IDH1: variants seen among roughly 807,000 people sequenced by gnomAD.
IDH1 encodes isocitrate dehydrogenase [NADP] cytoplasmic.
IDH1 carries 33 observed loss-of-function variants against 46.1 expected under a neutral mutation model. The observed-to-expected ratio is 0.72, with a 90% confidence interval of 0.54 to 0.96. The LOEUF is 0.96. IDH1 is among the 40% of genes least tolerant of loss of function. The probability of loss-of-function intolerance (pLI) is 0.00; values close to 1 mark genes in which losing one functional copy is unlikely to be tolerated. For synonymous variants in IDH1, 144 were observed against 172.8 expected, an observed-to-expected ratio of 0.83 and a Z score of 1.31; for missense variants, 421 against 515.7, an observed-to-expected ratio of 0.82 and a Z score of 1.78.
chr2:208,246,635 T>TAAA (rs369672159), intron 4 of IDH1, among the ~76,000 whole-genome samples: 20 of 136,406 alleles, frequency 1.5e-4, no homozygotes, highest in South Asian at 2.4e-4. Flanking sequence ...CCAAAATAAT[T>TAAA]AAAAAAAAAA....
In IDH1 at chr2:208,242,110, C is replaced by T; in HGVS notation, c.734G>A (p.Trp245Ter). 5 of 1,613,816 alleles carry T rather than the reference C, an allele frequency of 3.1e-6. No individual in the cohort carries two copies. Among genetic ancestry groups the T allele is most frequent in the Non-Finnish European group, 4.2e-6 (5 of 1,179,808 alleles). ...GTCGTCGATGAGCCTATGCTCATAC[C>T]AGATCTTTTGAGCTTCAAACTGGGA... ...YKSQFEAQKI[W>*]YEHRLIDDMV... The change falls in exon 7 of 10, where the codon TGG becomes TAG. Residue 245 changes from tryptophan (W) to a stop codon, truncating the protein, a stop_gained. Transcript: ENST00000345146. LOFTEE classifies it high-confidence loss of function.
chr2:208,237,761 A>G (rs1462242902), intron 9 of IDH1, among the ~76,000 whole-genome samples: 12 of 128,054 alleles, frequency 9.4e-5, no homozygotes, highest in African/African-American at 3.6e-4. Context: ...TCTACTAAAA[A>G]TACAAAAAAA....
Position 208,248,538 on chromosome 2 carries a change from C to A in IDH1, c.245G>T (p.Arg82Met), listed in dbSNP as rs775186249. Residue 82 changes from arginine to methionine, a missense_variant, in exon 4 of 10, where the codon AGG (arginine) becomes ATG (methionine). Transcript: ENST00000345146. ...TTGTTTCAACTTGAACTCCTCAACC[C>A]TCTTCTCATCAGGAGTGATAGTGGC... ...KCATITPDEK[R>M]VEEFKLKQMW... is the part of the protein sequence containing the mutation. 1 of 1,614,174 alleles carries A rather than the reference C, an allele frequency of 6.2e-7. No homozygotes were observed. The highest frequency in any genetic ancestry group is 2.2e-5 in the East Asian group (1 of 44,884).
Position 208,242,112 on chromosome 2 carries a change from G to C in IDH1, c.732C>G (p.Ile244Met). 6.2e-7 allele frequency: 1 copy of C among 1,613,938 alleles called. No homozygotes were observed. Residue 244 changes from isoleucine (I) to methionine (M), a missense_variant, in exon 7 of 10, where the codon ATC (isoleucine) becomes ATG (methionine). Transcript: ENST00000345146. ...QYKSQFEAQK[I>M]WYEHRLIDDM... ...CGTCGATGAGCCTATGCTCATACCA[G>C]ATCTTTTGAGCTTCAAACTGGGACT...
At chr2:208,251,686 T>G (rs116915757) in intron 2 of IDH1, 119 bp from the exon 3 acceptor site, 1 of 751,446 alleles carries the variant, frequency 1.3e-6, no homozygotes, top group East Asian at 2.7e-5. Context: ...TTCATGCAAT[T>G]CAATTTATGT....
intron 3 of IDH1, among the ~76,000 whole-genome samples, chr2:208,249,987 A>T (rs927023028): frequency 1.3e-5 from 2 of 152,224 alleles, no homozygotes; most frequent in South Asian, 4.1e-4. Context: ...TAAGAAAGGA[A>T]GGAACAAATT....
intron 8 of IDH1, 87 bp from the exon 9 acceptor site, chr2:208,239,320 G>C: frequency 7.1e-7 from 1 of 1,410,100 alleles, no homozygotes; most frequent in Non-Finnish European, 9.9e-7. Context: ...AAACAGAATA[G>C]TTTTTTGTTT....
At chr2:208,246,427 G>A (rs928161933) in intron 4 of IDH1, among the ~76,000 whole-genome samples, 1 of 151,948 alleles carries the variant, frequency 6.6e-6, no homozygotes, top group African/African-American at 2.4e-5. Flanking sequence ...GAACATTTTT[G>A]ACATATAAAA....
chr2:208,238,152 C>T (rs1444100705), intron 9 of IDH1, among the ~76,000 whole-genome samples: 1 of 151,320 alleles, frequency 6.6e-6, no homozygotes, highest in Admixed American at 6.6e-5. Flanking sequence ...TCTCCTGCCT[C>T]AGCCTCCCGA....
chr2:208,246,134 T>G (rs1383849224), intron 4 of IDH1, among the ~76,000 whole-genome samples: 1 of 152,182 alleles, frequency 6.6e-6, no homozygotes, highest in Admixed American at 6.5e-5. Context: ...CAAATCATTC[T>G]GGGAGCAGCT....
At chr2:208,249,447 A>G (rs1330222136) in intron 3 of IDH1, among the ~76,000 whole-genome samples, 2 of 152,366 alleles carry the variant, frequency 1.3e-5, no homozygotes, top group East Asian at 1.9e-4. Context: ...GGTTTTCTAC[A>G]TACCAGAGAG....
chr2:208,249,333 G>C (rs961357970), intron 3 of IDH1, among the ~76,000 whole-genome samples: 10 of 152,122 alleles, frequency 6.6e-5, no homozygotes, highest in Non-Finnish European at 1.5e-4. Context: ...GGGACTACAG[G>C]CATGCACCAC....
In IDH1 at chr2:208,248,630, G is replaced by A. The variant is rs1214051569; in HGVS notation, c.153C>T (p.Ala51=). 6.2e-7 allele frequency: 1 copy of A among 1,613,986 alleles called. No individual in the cohort carries two copies. Among genetic ancestry groups the A allele is most frequent in the Non-Finnish European group, 8.5e-7 (1 of 1,180,006 alleles). ...SYDLGIENRD[A]TNDQVTKDAA... is the part of the protein sequence containing the mutation. ...CATCCTTGGTGACTTGGTCGTTGGT[G>A]GCATCACGATTCTCTATGCCTAAAT... Residue 51 remains alanine (A), a synonymous_variant, in exon 4 of 10, where the codon GCC becomes GCT. Coordinates refer to ENST00000345146, the MANE Select transcript of IDH1 (RefSeq NM_005896.4).
At chr2:208,238,087 G>A (rs1460324192) in intron 9 of IDH1, among the ~76,000 whole-genome samples, 1 of 149,056 alleles carries the variant, frequency 6.7e-6, no homozygotes, top group Non-Finnish European at 1.5e-5. Context: ...GCAGGCTGGA[G>A]TGCAGTGGCA....
intron 9 of IDH1, among the ~76,000 whole-genome samples, chr2:208,237,497 C>G (rs1687833387): frequency 6.6e-6 from 1 of 152,170 alleles, no homozygotes; most frequent in Non-Finnish European, 1.5e-5. Flanking sequence ...AATCATCACA[C>G]TTCTTCCTCA....
chr2:208,242,056 C>A lies in IDH1; in HGVS notation c.788G>T (p.Gly263Val). The change falls in exon 7 of 10, where the codon GGA (glycine) becomes GTA (valine). Residue 263 changes from glycine (G) to valine (V), a missense_variant. Transcript: ENST00000345146. ...DMVAQAMKSE[G>V]GFIWACKNYD... ...GTTTTTACAGGCCCAGATGAAGCCT[C>A]CCTCTGATTTCATAGCTTGGGCCAC... 6.2e-7 allele frequency: 1 copy of A among 1,613,352 alleles called. No individual in the cohort carries two copies. The highest frequency in any genetic ancestry group is 8.5e-7 in the Non-Finnish European group (1 of 1,179,830).
chr2:208,240,917 G>C (rs1045991602), intron 7 of IDH1, among the ~76,000 whole-genome samples: 1 of 152,190 alleles, frequency 6.6e-6, no homozygotes. Flanking sequence ...TAACCAGGTT[G>C]ATCTACTGAT....
chr2:208,246,649 AAAAGAGGAAGGC>A (rs1688027164), intron 4 of IDH1, among the ~76,000 whole-genome samples: 3 of 151,188 alleles, frequency 2.0e-5, no homozygotes, highest in Non-Finnish European at 4.4e-5. Flanking sequence ...AAAAAAAAAA[AAAAGAGGAAGGC>A]CGGGCATGGT....
intron 9 of IDH1, among the ~76,000 whole-genome samples, chr2:208,238,205 T>G (rs1039838830): frequency 3.3e-5 from 5 of 151,788 alleles, no homozygotes; most frequent in African/African-American, 1.2e-4. Flanking sequence ...CTGGTTAATT[T>G]TTTGTATTTT....
Sources: gnomAD v4.1 joint callset for allele counts (sites outside exome capture counted in the v4.1 genomes callset) on GRCh38, gnomAD v4.1.1 for gene constraint, MANE v1.5 for transcripts, NCBI Gene and HGNC (gene_info 2026-07-23, HGNC 2026-07-21) for gene names.